CAMK4: variants seen among roughly 807,000 people sequenced by gnomAD.
CAMK4 encodes calcium/calmodulin dependent protein kinase IV.
In CAMK4, 22 loss-of-function variants were observed where a neutral mutation model predicts 44.9. The ratio of observed to expected loss-of-function variants is 0.49; its 90% CI spans 0.35 to 0.70. The LOEUF is 0.70. Ranked by LOEUF, CAMK4 falls within the 30% of genes least tolerant of loss-of-function variation. The pLI is 0.01. For synonymous variants in CAMK4, 218 were observed against 215.4 expected (o/e 1.01, Z -0.11); for missense variants, 498 against 586.8 (o/e 0.85, Z 1.56).
intron 2 of CAMK4, chr5:111,357,925 C>T (rs1296200047): frequency 2.0e-5 from 3 of 152,010 alleles, no homozygotes. Context: ...TATTCTAGAA[C>T]TCAGGGCTTT....
chr5:111,370,182 A>G (rs1750951761), intron 2 of CAMK4, among the ~76,000 whole-genome samples: 1 of 152,168 alleles, frequency 6.6e-6, no homozygotes, highest in African/African-American at 2.4e-5. Flanking sequence ...AATTAAAAGC[A>G]AATGATTTTA....
chr5:111,262,324 T>C (rs1404471786), intron 1 of CAMK4, among the ~76,000 whole-genome samples: 1 of 152,048 alleles, frequency 6.6e-6, no homozygotes, highest in African/African-American at 2.4e-5. Context: ...GGAGGGCTGA[T>C]CAACATGATT....
intron 1 of CAMK4, among the ~76,000 whole-genome samples, chr5:111,303,322 A>G (rs1414893696): frequency 4.7e-5 from 6 of 128,534 alleles, no homozygotes; most frequent in African/African-American, 1.9e-4. Context: ...ATTCAAACCA[A>G]AGGCAAAGAA....
chr5:111,408,001 C>T (rs1410232074), intron 5 of CAMK4, among the ~76,000 whole-genome samples: 1 of 152,034 alleles, frequency 6.6e-6, no homozygotes, highest in Non-Finnish European at 1.5e-5. Flanking sequence ...CCCAGCTACT[C>T]AGGAGGCTGA....
At chr5:111,274,117 C>T (rs549896878) in intron 1 of CAMK4, among the ~76,000 whole-genome samples, 6 of 152,146 alleles carry the variant, frequency 3.9e-5, no homozygotes, top group African/African-American at 1.4e-4. Flanking sequence ...ACAAACCCAC[C>T]TGTCTCCTTG....
intron 2 of CAMK4, among the ~76,000 whole-genome samples, chr5:111,361,775 G>A (rs1750601125): frequency 6.6e-6 from 1 of 151,994 alleles, no homozygotes; most frequent in Admixed American, 6.6e-5. Flanking sequence ...AGTGAAAATA[G>A]GCATTAGTTT....
chr5:111,492,782 G>A lies in CAMK4; in HGVS notation c.*8316G>A, dbSNP rs1045866681. ...TTAAATCCAATGCTATCCTCCAGGA[G>A]TGAGCTTTGTAGTTGGAGAGAAAAG... On this transcript the variant is annotated 3_prime_UTR_variant, in exon 11 of 11. Coordinates refer to ENST00000282356, the MANE Select transcript of CAMK4 (RefSeq NM_001744.6). The A allele has an allele frequency of 1.3e-5, 2 of 152,180 alleles. No individual in the cohort carries two copies. The highest frequency in any genetic ancestry group is 2.9e-5 in the Non-Finnish European group (2 of 68,052). 9.4% of individuals were successfully genotyped at this position (152,180 alleles called of 1,614,324 possible).
chr5:111,398,388 G>A (rs982007227), intron 5 of CAMK4, among the ~76,000 whole-genome samples: 1 of 152,068 alleles, frequency 6.6e-6, no homozygotes, highest in Non-Finnish European at 1.5e-5. Context: ...TTGTTCTAAG[G>A]GAAAGACAAT....
chr5:111,227,582 T>C (rs1209317215), intron 1 of CAMK4, among the ~76,000 whole-genome samples: 3 of 152,154 alleles, frequency 2.0e-5, no homozygotes, highest in Non-Finnish European at 2.9e-5. Context: ...TGAGGATGTG[T>C]TTGGGAACTC....
At chr5:111,477,966 T>C (rs1365007550) in intron 8 of CAMK4, among the ~76,000 whole-genome samples, 2 of 152,094 alleles carry the variant, frequency 1.3e-5, no homozygotes, top group Admixed American at 6.6e-5. Flanking sequence ...TCACACTAAA[T>C]TGGAAGTCTA....
At chr5:111,333,650 A>C (rs781507268) in intron 1 of CAMK4, among the ~76,000 whole-genome samples, 2 of 151,600 alleles carry the variant, frequency 1.3e-5, no homozygotes, top group African/African-American at 4.8e-5. Context: ...ATTTAAGCCA[A>C]TGCTTATGGA....
At chr5:111,401,447 G>T in intron 5 of CAMK4, among the ~76,000 whole-genome samples, 1 of 152,142 alleles carries the variant, frequency 6.6e-6, no homozygotes, top group East Asian at 1.9e-4. Context: ...GGTTAGGTTT[G>T]TGTTAAAGAC....
intron 5 of CAMK4, among the ~76,000 whole-genome samples, chr5:111,439,241 A>G (rs1308514984): frequency 6.6e-6 from 1 of 152,130 alleles, no homozygotes; most frequent in Non-Finnish European, 1.5e-5. Context: ...CCATATCTAG[A>G]TCTTTCTACT....
intron 1 of CAMK4, among the ~76,000 whole-genome samples, chr5:111,315,809 A>C (rs1480551654): frequency 6.6e-6 from 1 of 152,162 alleles, no homozygotes; most frequent in African/African-American, 2.4e-5. Flanking sequence ...GTCTGCAGCC[A>C]GTGACAGCTT....
chr5:111,462,464 C>A (rs761568443), intron 7 of CAMK4, among the ~76,000 whole-genome samples: 196 of 152,214 alleles, frequency 1.3e-3, no homozygotes, highest in Non-Finnish European at 1.9e-3. Context: ...CATCACACAG[C>A]AGGTGCTTAA....
At chr5:111,330,856 A>G (rs891827325) in intron 1 of CAMK4, among the ~76,000 whole-genome samples, 2 of 151,694 alleles carry the variant, frequency 1.3e-5, no homozygotes, top group Non-Finnish European at 3.0e-5. Flanking sequence ...AAAAGTACTG[A>G]GGCAGTGCAA....
chr5:111,338,547 A>G (rs777329983), intron 1 of CAMK4, among the ~76,000 whole-genome samples: 3 of 151,446 alleles, frequency 2.0e-5, no homozygotes, highest in Non-Finnish European at 4.4e-5. Flanking sequence ...GCCAAGGCCA[A>G]TGTCCAGAAA....
At chr5:111,230,080 T>A (rs547770853) in intron 1 of CAMK4, among the ~76,000 whole-genome samples, 3 of 152,292 alleles carry the variant, frequency 2.0e-5, no homozygotes, top group African/African-American at 7.2e-5. Context: ...TTGGTCCTGA[T>A]GTCGTAGTGA....
chr5:111,406,908 T>A (rs369567139), intron 5 of CAMK4, among the ~76,000 whole-genome samples: 2 of 152,240 alleles, frequency 1.3e-5, no homozygotes, highest in East Asian at 3.8e-4. Flanking sequence ...TTCTTTGATA[T>A]CCTTGGATTA....
Sources: allele counts gnomAD v4.1 joint callset (sites outside exome capture counted in the v4.1 genomes callset), GRCh38; gene constraint gnomAD v4.1.1; transcripts MANE v1.5; gene names NCBI Gene and HGNC (gene_info 2026-07-23, HGNC 2026-07-21).